The following LYRM1 variants were observed in gnomAD, a reference collection of about 807,000 sequenced individuals.
LYRM1 encodes LYR motif containing 1, also known as LYR motif-containing protein 1.
In LYRM1, 14 loss-of-function variants were observed where a neutral mutation model predicts 14.9. The ratio of observed to expected loss-of-function variants is 0.94; its 90% CI spans 0.62 to 1.47. The LOEUF is 1.47. Ranked by LOEUF, LYRM1 falls within the 40% of genes most tolerant of loss-of-function variation. LYRM1 has a pLI of 0.00. For missense variants in LYRM1, 153 were observed against 149.9 expected (o/e 1.02, Z -0.11); for synonymous variants, 43 against 56.2 (o/e 0.77, Z 1.05).
chr16:20,916,801 T>C (rs116621671), intron 2 of LYRM1, among the ~76,000 whole-genome samples: 2,013 of 152,302 alleles, frequency 0.013, 56 homozygotes, highest in African/African-American at 0.045. Flanking sequence ...CAACAAATAT[T>C]TGATTGCCCA....
intron 1 of LYRM1, chr16:20,902,568 C>T (rs987665224): frequency 5.3e-5 from 8 of 152,184 alleles, no homozygotes; most frequent in Non-Finnish European, 1.2e-4. Context: ...CCCTTAATAT[C>T]CTGGAATAAT....
At chr16:20,916,360 G>A (rs958750767) in intron 2 of LYRM1, among the ~76,000 whole-genome samples, 15 of 152,008 alleles carry the variant, frequency 9.9e-5, no homozygotes, top group East Asian at 7.7e-4. Flanking sequence ...AAGACCTCCC[G>A]GCACTAAGCA....
chr16:20,915,470 A>C (rs1014033637), intron 1 of LYRM1, 86 bp from the exon 2 acceptor site: 6 of 1,339,190 alleles, frequency 4.5e-6, no homozygotes, highest in Middle Eastern at 2.1e-4. Flanking sequence ...AAAAAAAAAA[A>C]AAAAAAACTG....
chr16:20,905,935 C>T (rs1192936969), intron 1 of LYRM1, among the ~76,000 whole-genome samples: 1 of 152,162 alleles, frequency 6.6e-6, no homozygotes, highest in Non-Finnish European at 1.5e-5. Context: ...CAGATACCAT[C>T]GTGTGTATCT....
intron 1 of LYRM1, among the ~76,000 whole-genome samples, chr16:20,915,042 C>G (rs754918704): frequency 6.6e-6 from 1 of 152,200 alleles, no homozygotes; most frequent in Admixed American, 6.5e-5. Flanking sequence ...TGTGGTTAAG[C>G]AACCCTCAAC....
chr16:20,923,956 C>A, intron 3 of LYRM1, 44 bp from the exon 4 acceptor site: 1 of 1,080,592 alleles, frequency 9.3e-7, no homozygotes, highest in Non-Finnish European at 1.4e-6. Flanking sequence ...TGAGCTGCTG[C>A]AATGATGATG....
In LYRM1 at chr16:20,901,381, A is replaced by AAGAAGGT. The variant is rs2152522358; in HGVS notation, c.-1+494_-1+500dup. ...CAGGAGAGAGTTAAGTAAATCAATA[A>AAGAAGGT]AGAAGGTATCAGCAAGTGAGAAATG... On this transcript the variant is annotated intron_variant, in intron 1 of 3. Transcript: ENST00000567954. This position sits in a 1 kb window ranked among gnomAD's most constrained non-coding sequence, Gnocchi z 4.6. 6.6e-6 allele frequency among the ~76,000 whole-genome samples: 1 copy of AAGAAGGT among 152,302 alleles called. No individual in the cohort carries two copies. Among genetic ancestry groups the AAGAAGGT allele is most frequent in the Non-Finnish European group, 1.5e-5 (1 of 68,022 alleles).
intron 2 of LYRM1, among the ~76,000 whole-genome samples, chr16:20,917,006 C>T (rs972205915): frequency 1.1e-4 from 17 of 150,570 alleles, no homozygotes; most frequent in African/African-American, 3.2e-4. Context: ...TCAGTTGAGC[C>T]CAGGAGTTCG....
intron 1 of LYRM1, among the ~76,000 whole-genome samples, chr16:20,914,420 C>G (rs2082764941): frequency 6.6e-6 from 1 of 150,748 alleles, no homozygotes; most frequent in South Asian, 2.1e-4. Flanking sequence ...TCCCAAGTAG[C>G]TGGGACTACA....
At position 20,915,687 on chromosome 16, in the gene LYRM1, C is replaced by G. The variant is rs139372138; in HGVS notation, c.132C>G (p.Ala44=). The G allele has an allele frequency of 3.1e-6, 5 of 1,613,972 alleles. No individual in the cohort carries two copies. Among genetic ancestry groups the G allele is most frequent in the Non-Finnish European group, 2.5e-6 (3 of 1,180,012 alleles). Residue 44 remains alanine (A), a synonymous_variant, in exon 2 of 4, where the codon GCC becomes GCG. Coordinates refer to ENST00000567954, the MANE Select transcript of LYRM1 (RefSeq NM_001128302.3). ...AAAAACAGTACATACTAAATGAAGC[C>G]AGAACGCTGTTCCGGAAAAACAAAA... is the stretch of plus-strand genomic sequence containing the variant. The part of the protein sequence containing the change: ...IKEKQYILNE[A]RTLFRKNKNL...
intron 1 of LYRM1, among the ~76,000 whole-genome samples, chr16:20,910,485 G>C (rs1175182427): frequency 6.6e-6 from 1 of 152,226 alleles, no homozygotes; most frequent in African/African-American, 2.4e-5. Context: ...TGTTAGCACT[G>C]CTCATTACCT....
At chr16:20,911,710 A>G (rs2082601335) in intron 1 of LYRM1, among the ~76,000 whole-genome samples, 1 of 151,882 alleles carries the variant, frequency 6.6e-6, no homozygotes, top group Admixed American at 6.6e-5. Flanking sequence ...AATTTATTTT[A>G]GATATAGAAA....
intron 1 of LYRM1, among the ~76,000 whole-genome samples, chr16:20,905,629 A>G (rs1342165967): frequency 6.6e-6 from 1 of 152,214 alleles, no homozygotes; most frequent in Non-Finnish European, 1.5e-5. Context: ...TTTTCAGGAA[A>G]AAAGTATCAG....
intron 1 of LYRM1, among the ~76,000 whole-genome samples, chr16:20,908,134 G>C (rs1173270475): frequency 6.6e-6 from 1 of 152,172 alleles, no homozygotes; most frequent in Non-Finnish European, 1.5e-5. Context: ...AGGGGACAGG[G>C]TTGCCACGGG....
At chr16:20,906,360 G>A (rs928025831) in intron 1 of LYRM1, among the ~76,000 whole-genome samples, 3 of 152,208 alleles carry the variant, frequency 2.0e-5, no homozygotes, top group Non-Finnish European at 1.5e-5. Context: ...TGCACATACA[G>A]AAGACCATGA....
chr16:20,906,983 C>T (rs1596702274), intron 1 of LYRM1, among the ~76,000 whole-genome samples: 1 of 152,142 alleles, frequency 6.6e-6, no homozygotes, highest in South Asian at 2.1e-4. Context: ...TTAGACTGAT[C>T]GCTGCCCATT....
At chr16:20,914,059 C>G (rs2082737436) in intron 1 of LYRM1, among the ~76,000 whole-genome samples, 1 of 152,126 alleles carries the variant, frequency 6.6e-6, no homozygotes. Flanking sequence ...CCACCCACCT[C>G]AGCCTCCCAA....
intron 3 of LYRM1, chr16:20,921,953 T>G (rs534801347): frequency 4.6e-5 from 7 of 152,200 alleles, no homozygotes; most frequent in African/African-American, 1.7e-4. Flanking sequence ...CTTATTTTAC[T>G]TCATGTCTTC....
intron 1 of LYRM1, among the ~76,000 whole-genome samples, chr16:20,907,147 A>G (rs2082361245): frequency 1.3e-5 from 2 of 152,330 alleles, no homozygotes; most frequent in South Asian, 4.1e-4. Context: ...TGTTGGAATT[A>G]TAAGTAGTTA....
Sources: allele counts gnomAD v4.1 joint callset (sites outside exome capture counted in the v4.1 genomes callset), GRCh38; gene constraint gnomAD v4.1.1; non-coding constraint Gnocchi (gnomAD v3.1); transcripts MANE v1.5; gene names NCBI Gene and HGNC (gene_info 2026-07-23, HGNC 2026-07-21).